The following DNER variants were observed in gnomAD, a reference collection of about 807,000 sequenced individuals.
DNER encodes delta and Notch-like epidermal growth factor-related receptor.
DNER carries 33 observed loss-of-function variants against 78.2 expected under a neutral mutation model. The observed-to-expected ratio is 0.42, with a 90% CI of 0.32 to 0.56. The LOEUF is 0.56. Among genes scored for constraint, DNER ranks in the 20% least tolerant of loss-of-function variants. The pLI is 0.11. For missense variants in DNER, 918 were observed against 975.3 expected (o/e 0.94, Z 0.78); for synonymous variants, 417 against 384.8 (o/e 1.08, Z -0.98).
chr2:229,711,324 C>G (rs1181250800), intron 1 of DNER, among the ~76,000 whole-genome samples: 2 of 151,462 alleles, frequency 1.3e-5, no homozygotes, highest in African/African-American at 4.9e-5. Flanking sequence ...GGAATGGAAT[C>G]ACTATCTTCA....
At chr2:229,611,195 T>C (rs963387487) in intron 1 of DNER, among the ~76,000 whole-genome samples, 2 of 152,226 alleles carry the variant, frequency 1.3e-5, no homozygotes, top group African/African-American at 4.8e-5. Flanking sequence ...AGTAAATGTA[T>C]TTTTTTCTTT....
chr2:229,605,690 A>C (rs1465345), intron 1 of DNER, among the ~76,000 whole-genome samples: 9,034 of 150,994 alleles, frequency 0.06, 367 homozygotes, highest in East Asian at 0.14. Context: ...AGACACCATA[A>C]CAGCCTGGGC....
intron 5 of DNER, among the ~76,000 whole-genome samples, chr2:229,527,405 A>G (rs1322267590): frequency 2.0e-5 from 3 of 152,188 alleles, no homozygotes; most frequent in Non-Finnish European, 4.4e-5. Context: ...TTTCACTGAA[A>G]CCAACCCCCA....
intron 7 of DNER, among the ~76,000 whole-genome samples, chr2:229,468,010 A>C (rs1357854445): frequency 4.6e-5 from 7 of 152,180 alleles, no homozygotes; most frequent in Non-Finnish European, 2.9e-5. Context: ...ACAGGGGGAT[A>C]AGACGACAGC....
At chr2:229,422,491 G>C (rs1320672805) in intron 8 of DNER, among the ~76,000 whole-genome samples, 1 of 152,142 alleles carries the variant, frequency 6.6e-6, no homozygotes, top group African/African-American at 2.4e-5. Context: ...CAACCAGATG[G>C]GGGGAGTGAG....
intron 4 of DNER, among the ~76,000 whole-genome samples, chr2:229,572,735 T>C (rs1344051060): frequency 1.3e-5 from 2 of 152,150 alleles, no homozygotes; most frequent in Non-Finnish European, 2.9e-5. Flanking sequence ...CAAGATAAGA[T>C]GGATGCAGTT....
chr2:229,541,468 T>C (rs1296222078), intron 5 of DNER, among the ~76,000 whole-genome samples: 1 of 152,200 alleles, frequency 6.6e-6, no homozygotes, highest in Non-Finnish European at 1.5e-5. Context: ...AAGTTTAATA[T>C]ATCTAGTGTT....
At position 229,523,170 on chromosome 2, in the gene DNER, G is replaced by A. The variant is rs76381883; in HGVS notation, c.994-10234C>T. ...CCACTCTTAGGTCTGGTAGCCCTGG[G>A]TTCCAGCCCCATGTAGGGCACAAAT... is the stretch of plus-strand genomic sequence containing the variant. On this transcript the variant is annotated intron_variant, in intron 5 of 12. Transcript: ENST00000341772. Among the ~76,000 whole-genome samples, 272 of 152,252 alleles carry A rather than the reference G, an allele frequency of 1.8e-3. 1 individual carries two copies. The highest frequency in any genetic ancestry group is 6.4e-3 in the African/African-American group (268 of 41,556).
rs746289573 is a variant in DNER at position 229,388,288 on chromosome 2, CA to C, written c.1831del (p.Trp611GlyfsTer44). 1 of 1,610,048 alleles carries C rather than the reference CA, an allele frequency of 6.2e-7. No individual in the cohort carries two copies. The highest frequency in any genetic ancestry group is 1.1e-5 in the South Asian group (1 of 90,604). On this transcript the variant is annotated frameshift_variant, in exon 11 of 13. Coordinates refer to ENST00000341772, the MANE Select transcript of DNER (RefSeq NM_139072.4). LOFTEE classifies it high-confidence loss of function. ...ACGGATCTCACAGTTTGCTCCCACC[CA>C]ACCATGCGGGCAGTGGCAGTTATAA... is the stretch of plus-strand genomic sequence containing the variant. ...NGYNCHCPHG[W>X]VGANCEIHLQ...
At chr2:229,661,300 G>A (rs1699006554) in intron 1 of DNER, among the ~76,000 whole-genome samples, 1 of 151,958 alleles carries the variant, frequency 6.6e-6, no homozygotes, top group Admixed American at 6.6e-5. Context: ...CTGTACACCA[G>A]TCCCCCACAC....
intron 11 of DNER, among the ~76,000 whole-genome samples, chr2:229,385,648 A>C (rs1559337341): frequency 6.6e-6 from 1 of 152,228 alleles, no homozygotes; most frequent in Non-Finnish European, 1.5e-5. Context: ...ATCAATGTGC[A>C]AAAATCACAA....
At chr2:229,487,866 T>C (rs1422812174) in intron 6 of DNER, among the ~76,000 whole-genome samples, 4 of 152,212 alleles carry the variant, frequency 2.6e-5, no homozygotes, top group Non-Finnish European at 4.4e-5. Flanking sequence ...GGCAGGCACA[T>C]GTGCATGGCA....
intron 12 of DNER, among the ~76,000 whole-genome samples, chr2:229,361,981 A>C (rs1217262109): frequency 6.6e-6 from 1 of 152,232 alleles, no homozygotes; most frequent in Non-Finnish European, 1.5e-5. Context: ...GGCCCACGAC[A>C]TGACCACAGA....
chr2:229,677,658 T>C lies in DNER; in HGVS notation c.276+36490A>G, dbSNP rs147260636. ...TTTTTAATCTACATTGGTTGTAATA[T>C]TCAAAGAAAAGGTTCTATGAAGCAT... On this transcript the variant is annotated intron_variant, in intron 1 of 12. Transcript: ENST00000341772. Among the ~76,000 whole-genome samples the C allele has an allele frequency of 7.5e-3, 1,143 of 152,350 alleles. 11 individuals are homozygous for C. Among genetic ancestry groups the C allele is most frequent in the African/African-American group, 0.026 (1,082 of 41,574 alleles).
chr2:229,486,043 G>A (rs747352391), intron 6 of DNER, among the ~76,000 whole-genome samples: 14 of 152,144 alleles, frequency 9.2e-5, no homozygotes, highest in Non-Finnish European at 1.8e-4. Context: ...TCTCACCCTG[G>A]GGGGATCTGA....
At chr2:229,447,043 T>C (rs1694355635) in intron 8 of DNER, among the ~76,000 whole-genome samples, 1 of 152,188 alleles carries the variant, frequency 6.6e-6, no homozygotes, top group Non-Finnish European at 1.5e-5. Flanking sequence ...TTGCTTGTTT[T>C]TTCTACAATG....
At chr2:229,519,766 T>C (rs1696058161) in intron 5 of DNER, among the ~76,000 whole-genome samples, 1 of 152,122 alleles carries the variant, frequency 6.6e-6, no homozygotes, top group Non-Finnish European at 1.5e-5. Flanking sequence ...GGCTAATGAG[T>C]TGACAACTCT....
At chr2:229,697,559 A>G (rs978001747) in intron 1 of DNER, among the ~76,000 whole-genome samples, 3 of 152,258 alleles carry the variant, frequency 2.0e-5, no homozygotes, top group Admixed American at 6.5e-5. Flanking sequence ...GATACAGAGA[A>G]TTGGAGATAT....
intron 1 of DNER, among the ~76,000 whole-genome samples, chr2:229,709,817 T>C (rs951090260): frequency 1.3e-5 from 2 of 152,178 alleles, no homozygotes; most frequent in Non-Finnish European, 2.9e-5. Context: ...AAATAATTAT[T>C]TTATGAAAAT....
Sources: gnomAD v4.1 joint callset for allele counts (sites outside exome capture counted in the v4.1 genomes callset) on GRCh38, gnomAD v4.1.1 for gene constraint, MANE v1.5 for transcripts, NCBI Gene and HGNC (gene_info 2026-07-23, HGNC 2026-07-21) for gene names.